The following CLSTN2 variants were observed in gnomAD, a reference collection of about 807,000 sequenced individuals.
CLSTN2 encodes the protein calsyntenin-2.
A neutral mutation model predicts 101.2 loss-of-function variants in CLSTN2; 48 were observed. That is an observed-to-expected ratio of 0.47 (90% CI 0.38 to 0.60). The LOEUF is 0.60. Among genes scored for constraint, CLSTN2 ranks in the 20% least tolerant of loss-of-function variants. The pLI, the probability that CLSTN2 is intolerant of heterozygous loss-of-function variation, is 0.00. For missense variants in CLSTN2, 1,160 were observed against 1,238.2 expected (o/e 0.94, Z 0.95); for synonymous variants, 481 against 463.6 (o/e 1.04, Z -0.48).
chr3:140,445,341 C>T (rs2114860), intron 5 of CLSTN2, among the ~76,000 whole-genome samples: 109,777 of 152,132 alleles, frequency 0.72, 39,940 homozygotes, highest in African/African-American at 0.8. Context: ...AATATCTAGA[C>T]GAGAAAGGGA....
intron 2 of CLSTN2, among the ~76,000 whole-genome samples, chr3:140,257,976 A>G (rs2086618163): frequency 6.6e-6 from 1 of 152,058 alleles, no homozygotes; most frequent in South Asian, 2.1e-4. Flanking sequence ...AACTGTGTTC[A>G]GTTACCTTTC....
chr3:140,293,762 G>T (rs2086976410), intron 2 of CLSTN2, among the ~76,000 whole-genome samples: 3 of 152,276 alleles, frequency 2.0e-5, no homozygotes, highest in South Asian at 4.1e-4. Context: ...TTCTGGGCTT[G>T]TTGGGTCCAA....
chr3:140,007,378 T>C (rs1315000389), intron 1 of CLSTN2, among the ~76,000 whole-genome samples: 4 of 152,110 alleles, frequency 2.6e-5, no homozygotes, highest in African/African-American at 9.7e-5. Flanking sequence ...TGGCAGCTGG[T>C]GTGGTTAGCA....
At chr3:140,261,350 T>C (rs373448725) in intron 2 of CLSTN2, among the ~76,000 whole-genome samples, 159 of 152,334 alleles carry the variant, frequency 1.0e-3, no homozygotes, top group African/African-American at 3.5e-3. Context: ...GTTGCTTAGA[T>C]GGTTAACAGC....
Position 140,558,767 on chromosome 3 carries a change from G to A in CLSTN2, c.1951G>A (p.Glu651Lys), listed in dbSNP as rs192974178. The part of the protein sequence containing the change: ...DHFWRPAAQF[E>K]SARGVTLFPD... The stretch of plus-strand genomic sequence containing the variant: ...CTTCTGGAGACCTGCTGCCCAGTTT[G>A]AAAGTGCCAGGGGAGTGACCCTCTT... Residue 651 changes from glutamate to lysine, a missense_variant, in exon 12 of 17, where the codon GAA becomes AAA. Transcript: ENST00000458420. The A allele has an allele frequency of 6.2e-7, 1 of 1,614,108 alleles. No homozygotes were observed. The highest frequency in any genetic ancestry group is 1.7e-5 in the Admixed American group (1 of 60,022).
chr3:140,217,253 A>G (rs2010932714), intron 2 of CLSTN2, among the ~76,000 whole-genome samples: 1 of 16,188 alleles, frequency 6.2e-5, no homozygotes, highest in African/African-American at 6.6e-5. Flanking sequence ...TTTTAAAAGC[A>G]CAGGTTTATT....
At chr3:140,408,246 T>C (rs904087220) in intron 4 of CLSTN2, among the ~76,000 whole-genome samples, 16 of 152,146 alleles carry the variant, frequency 1.1e-4, no homozygotes, top group African/African-American at 3.9e-4. Context: ...GATAACAGGA[T>C]GAACAATCAG....
chr3:140,287,450 G>A (rs550723803), intron 2 of CLSTN2, among the ~76,000 whole-genome samples: 1 of 152,264 alleles, frequency 6.6e-6, no homozygotes, highest in Non-Finnish European at 1.5e-5. Context: ...TATCTTGATT[G>A]TGGTGGTGAT....
At chr3:140,184,374 A>C (rs576040347) in intron 2 of CLSTN2, among the ~76,000 whole-genome samples, 17 of 152,190 alleles carry the variant, frequency 1.1e-4, no homozygotes, top group South Asian at 2.1e-4. Context: ...ACTTAAACTC[A>C]TGGCAGAAGG....
intron 2 of CLSTN2, among the ~76,000 whole-genome samples, chr3:140,391,948 G>A (rs1272513423): frequency 6.6e-6 from 1 of 152,074 alleles, no homozygotes; most frequent in African/African-American, 2.4e-5. Context: ...GAAGCTAAAT[G>A]TGAATTAACC....
intron 5 of CLSTN2, among the ~76,000 whole-genome samples, chr3:140,443,765 G>T (rs751071265): frequency 1.3e-5 from 2 of 152,206 alleles, no homozygotes; most frequent in Non-Finnish European, 2.9e-5. Flanking sequence ...TTCATTGGAA[G>T]GTCCCTGTGT....
chr3:140,401,457 A>C (rs1000412020), intron 2 of CLSTN2, among the ~76,000 whole-genome samples: 1 of 152,168 alleles, frequency 6.6e-6, no homozygotes, highest in Non-Finnish European at 1.5e-5. Context: ...CGTAGATGGA[A>C]ATATGTCACC....
intron 1 of CLSTN2, among the ~76,000 whole-genome samples, chr3:140,127,930 C>T (rs1052929532): frequency 2.0e-5 from 3 of 152,090 alleles, no homozygotes; most frequent in African/African-American, 4.8e-5. Context: ...AATCTAAGTG[C>T]CATCCTTATT....
intron 1 of CLSTN2, among the ~76,000 whole-genome samples, chr3:139,964,884 T>G (rs920669557): frequency 6.6e-6 from 1 of 152,244 alleles, no homozygotes; most frequent in Non-Finnish European, 1.5e-5. Flanking sequence ...CCATTACGGC[T>G]GCCTCACTTC....
Position 140,567,422 on chromosome 3 carries a change from C to A in CLSTN2, c.*1169C>A, listed in dbSNP as rs1333744881. 6.6e-6 allele frequency: 1 copy of A among 152,194 alleles called. No individual in the cohort carries two copies. Among genetic ancestry groups the A allele is most frequent in the Non-Finnish European group, 1.5e-5 (1 of 68,040 alleles). 9.4% of individuals were successfully genotyped at this position (152,194 alleles called of 1,614,324 possible). On this transcript the variant is annotated 3_prime_UTR_variant, in exon 17 of 17. Transcript: ENST00000458420. ...AGCATATTTGCAATCATTGCAGCTT[C>A]TTCTTTCTTCTGCTCATAAAAGGAG...
At chr3:140,529,039 C>T in intron 8 of CLSTN2, among the ~76,000 whole-genome samples, 1 of 152,166 alleles carries the variant, frequency 6.6e-6, no homozygotes, top group Non-Finnish European at 1.5e-5. Context: ...CTGAGGAAAC[C>T]AAGGCAGAAC....
At chr3:140,005,382 G>C (rs898448566) in intron 1 of CLSTN2, among the ~76,000 whole-genome samples, 1 of 152,060 alleles carries the variant, frequency 6.6e-6, no homozygotes, top group African/African-American at 2.4e-5. Context: ...GATGACCTTG[G>C]CTTTATTCCC....
chr3:140,329,163 G>A (rs1385087933), intron 2 of CLSTN2, among the ~76,000 whole-genome samples: 1 of 152,088 alleles, frequency 6.6e-6, no homozygotes, highest in Non-Finnish European at 1.5e-5. Flanking sequence ...GAGATGGGTG[G>A]CTCACCTGAG....
At chr3:140,467,172 G>C (rs1217436670) in intron 8 of CLSTN2, among the ~76,000 whole-genome samples, 2 of 152,194 alleles carry the variant, frequency 1.3e-5, no homozygotes, top group African/African-American at 4.8e-5. Context: ...CAGTGACACA[G>C]AGCACCTTAG....
Sources: gnomAD v4.1 joint callset for allele counts (sites outside exome capture counted in the v4.1 genomes callset) on GRCh38, gnomAD v4.1.1 for gene constraint, MANE v1.5 for transcripts, NCBI Gene and HGNC (gene_info 2026-07-23, HGNC 2026-07-21) for gene names.